RNF24: variants seen among roughly 807,000 people sequenced by gnomAD.
RNF24 encodes ring finger protein 24.
Under a neutral mutation model 20.0 loss-of-function variants are expected in RNF24, and 14 were observed. The ratio of observed to expected loss-of-function variants is 0.70; its 90% CI spans 0.46 to 1.10. The LOEUF (loss-of-function observed/expected upper bound fraction) is 1.10. Among genes scored for constraint, RNF24 ranks in the 50% least tolerant of loss-of-function variants. The probability of loss-of-function intolerance (pLI) is 0.00; values close to 1 mark genes in which losing one functional copy is unlikely to be tolerated. For missense variants in RNF24, 124 were observed against 177.6 expected, an observed-to-expected ratio of 0.70 and a Z score of 1.71; for synonymous variants, 45 against 61.1, an observed-to-expected ratio of 0.74 and a Z score of 1.23.
At position 3,934,916 on chromosome 20, in the gene RNF24, C is replaced by T; in HGVS notation, c.308+78G>A. Reference sequence around the variant, plus strand: ...ATGAAGCCATCAAGCTTGTCTGGCACTGCCCTAAAACCCAAAAGAAGTTGG... The same window carrying T: ...ATGAAGCCATCAAGCTTGTCTGGCATTGCCCTAAAACCCAAAAGAAGTTGG... On this transcript the variant is annotated intron_variant, in intron 5 of 5. Coordinates refer to ENST00000358395, the MANE Select transcript of RNF24 (RefSeq NM_001134337.3). This position sits in a 1 kb window ranked among gnomAD's most constrained non-coding sequence, Gnocchi z 4.0. The T allele has an allele frequency of 8.5e-7, 1 of 1,173,676 alleles. No homozygotes were observed. Among genetic ancestry groups the T allele is most frequent in the Non-Finnish European group, 1.3e-6 (1 of 784,998 alleles). The allele number at this position is 1,173,676 out of a possible 1,614,324, so 72.7% of individuals were successfully genotyped here.
chr20:4,006,262 G>T (rs1981860804), intron 1 of RNF24, among the ~76,000 whole-genome samples: 1 of 152,010 alleles, frequency 6.6e-6, no homozygotes, highest in Non-Finnish European at 1.5e-5. Context: ...CTAGCTACTT[G>T]GGAGGCTGAG....
At chr20:3,977,094 T>C (rs1378168175) in intron 1 of RNF24, among the ~76,000 whole-genome samples, 1 of 152,150 alleles carries the variant, frequency 6.6e-6, no homozygotes, top group Non-Finnish European at 1.5e-5. Flanking sequence ...AAACTATCTT[T>C]CATTTGTATA....
chr20:3,947,994 C>T (rs1452877249), intron 3 of RNF24, among the ~76,000 whole-genome samples: 9 of 150,820 alleles, frequency 6.0e-5, no homozygotes, highest in African/African-American at 2.0e-4. Context: ...TGCTGTGAGC[C>T]GAGATCACGC....
At chr20:3,987,988 T>TCAGCAG (rs565121642) in intron 1 of RNF24, among the ~76,000 whole-genome samples, 2 of 152,054 alleles carry the variant, frequency 1.3e-5, no homozygotes, top group African/African-American at 4.8e-5. Flanking sequence ...ATCTTCACCT[T>TCAGCAG]CAGCAGCAGC....
chr20:3,991,640 A>T (rs574877159), intron 1 of RNF24, among the ~76,000 whole-genome samples: 1 of 152,304 alleles, frequency 6.6e-6, no homozygotes, highest in South Asian at 2.1e-4. Context: ...TAAAAGACTT[A>T]GTTGAAAATC....
intron 1 of RNF24, among the ~76,000 whole-genome samples, chr20:4,004,931 G>C (rs1241430230): frequency 2.6e-5 from 4 of 152,192 alleles, no homozygotes; most frequent in African/African-American, 9.7e-5. Flanking sequence ...AAAAAATATA[G>C]ATTCTGCCCC....
intron 2 of RNF24, among the ~76,000 whole-genome samples, chr20:3,952,897 T>A (rs1252310791): frequency 1.3e-5 from 2 of 152,196 alleles, no homozygotes; most frequent in South Asian, 2.1e-4. Flanking sequence ...ATTCTACCTT[T>A]TTTGTAGATC....
chr20:3,990,137 C>T (rs955196423), intron 1 of RNF24, among the ~76,000 whole-genome samples: 7 of 151,834 alleles, frequency 4.6e-5, no homozygotes, highest in African/African-American at 1.7e-4. Context: ...TGAGCTGTAC[C>T]TAAGGTTTAA....
chr20:4,005,995 T>C (rs532132855), intron 1 of RNF24, among the ~76,000 whole-genome samples: 1 of 152,214 alleles, frequency 6.6e-6, no homozygotes, highest in Non-Finnish European at 1.5e-5. Flanking sequence ...CTGTATCTGA[T>C]ACAAGCACCT....
chr20:4,014,183 G>T (rs561010581), intron 1 of RNF24, among the ~76,000 whole-genome samples: 1 of 152,274 alleles, frequency 6.6e-6, no homozygotes, highest in East Asian at 1.9e-4. Context: ...CCAGACAACA[G>T]AACACAGGAA....
At chr20:3,984,413 C>A (rs1979704768) in intron 1 of RNF24, among the ~76,000 whole-genome samples, 1 of 152,140 alleles carries the variant, frequency 6.6e-6, no homozygotes, top group South Asian at 2.1e-4. Context: ...TAATGCAGCA[C>A]CTCCGGTGGA....
intron 2 of RNF24, among the ~76,000 whole-genome samples, chr20:3,957,713 GAAGTT>G (rs2091158748): frequency 6.6e-6 from 1 of 151,910 alleles, no homozygotes; most frequent in African/African-American, 2.4e-5. Context: ...TTCATTCTAT[GAAGTT>G]AATTTGATTC....
chr20:3,981,763 C>T lies in RNF24; in HGVS notation c.-7-17739G>A, dbSNP rs1243172223. Among the ~76,000 whole-genome samples the T allele has an allele frequency of 2.0e-5, 3 of 152,262 alleles. No homozygotes were observed. In the East Asian group the frequency reaches 5.8e-4, roughly 29 times the overall value. On this transcript the variant is annotated intron_variant, in intron 1 of 5. Transcript: ENST00000358395. The stretch of plus-strand genomic sequence containing the variant: ...GGGCAATATTTTCAACACTACTCTT[C>T]CTCTTTAATATTTTCAAGGCTATTC...
chr20:3,933,027 T>C lies in RNF24; in HGVS notation c.*1036A>G, dbSNP rs1175830455. ...CCAGCTTCAGAATTACACAGGGATC[T>C]TATTTGGGATAAAGTGTTAAAAAGT... is the stretch of plus-strand genomic sequence containing the variant. On this transcript the variant is annotated 3_prime_UTR_variant, in exon 6 of 6. Coordinates refer to ENST00000358395, the MANE Select transcript of RNF24 (RefSeq NM_001134337.3). The C allele has an allele frequency of 1.0e-5, 4 of 397,760 alleles. No individual in the cohort carries two copies. The highest frequency in any genetic ancestry group is 1.8e-5 in the Non-Finnish European group (4 of 226,018). 24.6% of individuals were successfully genotyped at this position (397,760 alleles called of 1,614,324 possible).
chr20:3,979,492 T>G (rs1480314959), intron 1 of RNF24, among the ~76,000 whole-genome samples: 2 of 152,048 alleles, frequency 1.3e-5, no homozygotes, highest in African/African-American at 4.8e-5. Flanking sequence ...ACGGCCAACA[T>G]GGTGAAACCC....
intron 1 of RNF24, among the ~76,000 whole-genome samples, chr20:3,975,803 G>T (rs1978819347): frequency 6.6e-6 from 1 of 152,092 alleles, no homozygotes; most frequent in Non-Finnish European, 1.5e-5. Context: ...CTGAAGGATT[G>T]CTGGCTGTCA....
intron 1 of RNF24, among the ~76,000 whole-genome samples, chr20:4,006,060 T>C (rs1180951655): frequency 6.6e-6 from 1 of 152,146 alleles, no homozygotes; most frequent in African/African-American, 2.4e-5. Flanking sequence ...TAAGACTACA[T>C]ACATAATTAA....
At chr20:3,957,788 C>A (rs945433782) in intron 2 of RNF24, among the ~76,000 whole-genome samples, 6 of 152,102 alleles carry the variant, frequency 3.9e-5, no homozygotes, top group Non-Finnish European at 7.4e-5. Context: ...TTTTATTTTG[C>A]ACTGCTAAAT....
At chr20:4,004,564 T>C (rs774448682) in intron 1 of RNF24, among the ~76,000 whole-genome samples, 2 of 152,084 alleles carry the variant, frequency 1.3e-5, no homozygotes, top group Non-Finnish European at 2.9e-5. Context: ...GCATTTTGGA[T>C]TATCTGAATG....
Sources: gnomAD v4.1 joint callset for allele counts (sites outside exome capture counted in the v4.1 genomes callset) on GRCh38, gnomAD v4.1.1 for gene constraint, Gnocchi (gnomAD v3.1) non-coding constraint, MANE v1.5 for transcripts, NCBI Gene and HGNC (gene_info 2026-07-23, HGNC 2026-07-21) for gene names.